The following WDR93 variants were observed in gnomAD, a reference collection of about 807,000 sequenced individuals.
The protein encoded by WDR93 is WD repeat domain 93.
Under a neutral mutation model 82.9 loss-of-function variants are expected in WDR93, and 73 were observed. The ratio of observed to expected loss-of-function variants is 0.88; its 90% CI spans 0.73 to 1.07. The LOEUF (loss-of-function observed/expected upper bound fraction) is 1.07, where lower values mean the gene tolerates loss of function less well. Ranked by LOEUF, WDR93 falls within the 50% of genes least tolerant of loss-of-function variation. The pLI is 0.00. For missense variants in WDR93, 738 were observed against 826.0 expected (o/e 0.89, Z 1.31); for synonymous variants, 283 against 300.1 (o/e 0.94, Z 0.59).
chr15:89,739,188 G>A (rs548260388), intron 16 of WDR93, among the ~76,000 whole-genome samples: 2 of 151,876 alleles, frequency 1.3e-5, no homozygotes, highest in South Asian at 4.2e-4. Flanking sequence ...ACTATGACCT[G>A]TGGGCCATAT....
chr15:89,739,955 C>T (rs1341911539), intron 16 of WDR93, among the ~76,000 whole-genome samples: 1 of 152,142 alleles, frequency 6.6e-6, no homozygotes, highest in Non-Finnish European at 1.5e-5. Context: ...CCAAACAGAC[C>T]TGAGTTTGAT....
rs370508145 is a variant in WDR93 at position 89,735,554 on chromosome 15, G to C, written c.1608+1G>C. The stretch of plus-strand genomic sequence containing the variant: ...CCCAGTCCCAGCCTTACCTGGCATG[G>C]TAGGTTCCCCATGCCTCTCTGTAAA... On this transcript the variant is annotated splice_donor_variant, in intron 14 of 16. Coordinates refer to ENST00000268130, the MANE Select transcript of WDR93 (RefSeq NM_020212.2). LOFTEE classifies it high-confidence loss of function. 17 of 1,613,974 alleles carry C rather than the reference G, an allele frequency of 1.1e-5. No individual in the cohort carries two copies. The African/African-American group carries it at 2.3e-4, about 22-fold the overall frequency.
At chr15:89,735,038 T>C (rs1477590759) in intron 13 of WDR93, among the ~76,000 whole-genome samples, 1 of 150,030 alleles carries the variant, frequency 6.7e-6, no homozygotes, top group Non-Finnish European at 1.5e-5. Flanking sequence ...CTTTCCTTTC[T>C]TTCTTTCTGT....
intron 1 of WDR93, among the ~76,000 whole-genome samples, chr15:89,691,404 T>C (rs1309670334): frequency 6.6e-6 from 1 of 152,198 alleles, no homozygotes; most frequent in Non-Finnish European, 1.5e-5. Context: ...AGTAATTTTA[T>C]AAAATGTACC....
In WDR93 at chr15:89,733,238, G is replaced by T; in HGVS notation, c.1544+19G>T. 6.2e-7 allele frequency: 1 copy of T among 1,605,086 alleles called. No individual in the cohort carries two copies. Reference sequence around the variant, plus strand: ...TTGAGAGGTCAGTAGCTTGAGGGTGGGACGGGGTAAATAATTGGCCAGATT... The same window carrying T: ...TTGAGAGGTCAGTAGCTTGAGGGTGTGACGGGGTAAATAATTGGCCAGATT... On this transcript the variant is annotated intron_variant, in intron 13 of 16. Transcript: ENST00000268130.
At chr15:89,701,365 A>G (rs1397598318) in intron 1 of WDR93, among the ~76,000 whole-genome samples, 4 of 152,188 alleles carry the variant, frequency 2.6e-5, no homozygotes, top group Non-Finnish European at 4.4e-5. Context: ...CCATCTGCAG[A>G]GAGAAAGAGA....
At chr15:89,697,383 TC>T (rs1380315351) in intron 1 of WDR93, among the ~76,000 whole-genome samples, 2 of 152,190 alleles carry the variant, frequency 1.3e-5, no homozygotes, top group Non-Finnish European at 2.9e-5. Flanking sequence ...TTAAAAGTGA[TC>T]CATGGGTTAT....
rs772276204 is a variant in WDR93 at position 89,715,044 on chromosome 15, G to T, written c.705G>T (p.Glu235Asp). 1.9e-6 allele frequency: 3 copies of T among 1,613,970 alleles called. No individual in the cohort carries two copies. The highest frequency in any genetic ancestry group is 2.7e-5 in the African/African-American group (2 of 74,914). ...AGGAGACTTGGCTCAAGAAACTAGA[G>T]CACCCCCAACTCACTTCAAATCCAA... is the stretch of plus-strand genomic sequence containing the variant. Reference protein sequence around the residue: ...LPKETWLKKLEHPQLTSNPKK... With the variant: ...LPKETWLKKLDHPQLTSNPKK... The change falls in exon 6 of 17, where the codon GAG (glutamate) becomes GAT (aspartate). Residue 235 changes from glutamate to aspartate, a missense_variant. Transcript: ENST00000268130.
chr15:89,702,863 A>C, intron 2 of WDR93, 87 bp from the exon 3 acceptor site: 25 of 1,310,538 alleles, frequency 1.9e-5, no homozygotes, highest in Non-Finnish European at 2.5e-5. Flanking sequence ...TTATCTAGGA[A>C]GGGCCCCTGA....
chr15:89,695,208 A>G (rs1298894676), intron 1 of WDR93, among the ~76,000 whole-genome samples: 1 of 151,948 alleles, frequency 6.6e-6, no homozygotes, highest in African/African-American at 2.4e-5. Context: ...GAATTTGTAC[A>G]TGAATTTGAA....
rs951007182 is a variant in WDR93 at position 89,738,192 on chromosome 15, A to G, written c.1917A>G (p.Gln639=). 4.3e-6 allele frequency: 7 copies of G among 1,613,928 alleles called. No individual in the cohort carries two copies. The highest frequency in any genetic ancestry group is 5.9e-6 in the Non-Finnish European group (7 of 1,179,918). ...ACTTGGATAACATGGCCTTCCCCCAAGCACTGCCACTGGAGAAGAGATGTG... is the reference window on the plus strand; with the variant it reads ...ACTTGGATAACATGGCCTTCCCCCAGGCACTGCCACTGGAGAAGAGATGTG... The part of the protein sequence containing the change: ...QRDLDNMAFP[Q]ALPLEKRCER... The change falls in exon 16 of 17, where the codon CAA becomes CAG. Residue 639 remains glutamine (Q), a synonymous_variant. Transcript: ENST00000268130.
intron 11 of WDR93, among the ~76,000 whole-genome samples, chr15:89,730,342 A>AAG (rs1246011427): frequency 6.9e-5 from 10 of 145,172 alleles, no homozygotes; most frequent in South Asian, 2.2e-4. Flanking sequence ...AAAAAAAAAA[A>AAG]AGAGAGAGAT....
chr15:89,721,204 T>TAAGAAA (rs1966510192), intron 7 of WDR93: 1 of 152,226 alleles, frequency 6.6e-6, no homozygotes. Context: ...GTTTGTGTCA[T>TAAGAAA]TATATTTAAT....
At chr15:89,732,345 G>A (rs1304906345) in intron 12 of WDR93, among the ~76,000 whole-genome samples, 3 of 152,130 alleles carry the variant, frequency 2.0e-5, no homozygotes, top group Admixed American at 6.5e-5. Flanking sequence ...TCTCAGGGAG[G>A]TGTCTGTCAA....
At chr15:89,724,445 A>T (rs923280515) in intron 8 of WDR93, among the ~76,000 whole-genome samples, 2 of 151,930 alleles carry the variant, frequency 1.3e-5, no homozygotes, top group Non-Finnish European at 2.9e-5. Flanking sequence ...CAATTTTTAA[A>T]AATTGAATAA....
intron 2 of WDR93, among the ~76,000 whole-genome samples, chr15:89,702,532 A>ATGT (rs1367649033): frequency 3.5e-5 from 4 of 113,564 alleles, no homozygotes; most frequent in Non-Finnish European, 7.1e-5. Flanking sequence ...ATGTTTGGGA[A>ATGT]TGTTGTTTTT....
intron 16 of WDR93, among the ~76,000 whole-genome samples, chr15:89,738,491 G>A (rs146079566): frequency 0.025 from 3,843 of 152,076 alleles, 150 homozygotes; most frequent in African/African-American, 0.085. Context: ...GCTGGGTGTG[G>A]TGGTACATGC....
At chr15:89,733,295 C>A (rs991532094) in intron 13 of WDR93, 76 bp downstream of exon 13, 4 of 1,401,126 alleles carry the variant, frequency 2.9e-6, no homozygotes, top group Non-Finnish European at 3.9e-6. Context: ...TAAAATCTGA[C>A]AGCCTCTCTG....
chr15:89,736,747 G>A (rs375271336), intron 14 of WDR93, among the ~76,000 whole-genome samples: 227 of 152,022 alleles, frequency 1.5e-3, no homozygotes, highest in Middle Eastern at 0.014. Flanking sequence ...GTGTGGGGAG[G>A]GGAAAGTGGT....
Sources: gnomAD v4.1 joint callset for allele counts (sites outside exome capture counted in the v4.1 genomes callset) on GRCh38, gnomAD v4.1.1 for gene constraint, MANE v1.5 for transcripts, NCBI Gene and HGNC (gene_info 2026-07-23, HGNC 2026-07-21) for gene names.